Variants in TRAPPC9 observed in about 807,000 individuals in gnomAD.
The protein encoded by TRAPPC9 is trafficking protein particle complex subunit 9.
Under a neutral mutation model 124.0 loss-of-function variants are expected in TRAPPC9, and 83 were observed. The observed-to-expected ratio is 0.67, with a 90% CI of 0.56 to 0.80. The LOEUF (loss-of-function observed/expected upper bound fraction) is 0.80. TRAPPC9 is among the 30% of genes least tolerant of loss of function. The pLI, the probability that TRAPPC9 is intolerant of heterozygous loss-of-function variation, is 0.00. For synonymous variants in TRAPPC9, 638 were observed against 617.5 expected, an observed-to-expected ratio of 1.03 and a Z score of -0.49; for missense variants, 1,302 against 1,508.3, an observed-to-expected ratio of 0.86 and a Z score of 2.27.
intron 17 of TRAPPC9, among the ~76,000 whole-genome samples, chr8:140,083,276 C>T (rs945730448): frequency 6.6e-6 from 1 of 152,098 alleles, no homozygotes; most frequent in Non-Finnish European, 1.5e-5. Flanking sequence ...AACCTTTCCA[C>T]GGAGATATCA....
At chr8:139,951,940 A>C (rs570255133) in intron 19 of TRAPPC9, among the ~76,000 whole-genome samples, 1 of 152,318 alleles carries the variant, frequency 6.6e-6, no homozygotes, top group East Asian at 1.9e-4. Context: ...CTGGCCACCT[A>C]AATTGCCACA....
At chr8:140,099,070 CG>C (rs1442134320) in intron 17 of TRAPPC9, 2 of 151,954 alleles carry the variant, frequency 1.3e-5, no homozygotes, top group African/African-American at 4.8e-5. Flanking sequence ...AGGGTAAACA[CG>C]CCCACCGGGG....
At chr8:139,808,571 TC>T (rs1246422744) in intron 21 of TRAPPC9, among the ~76,000 whole-genome samples, 14 of 152,136 alleles carry the variant, frequency 9.2e-5, no homozygotes, top group African/African-American at 3.4e-4. Context: ...GCCAGAATAT[TC>T]CCATGTACCC....
In TRAPPC9 at chr8:140,105,033, G is replaced by A. The variant is rs531604470; in HGVS notation, c.2557-80954C>T. 5.9e-5 allele frequency among the ~76,000 whole-genome samples: 9 copies of A among 152,236 alleles called. No individual in the cohort carries two copies. In the South Asian group the frequency reaches 8.3e-4, roughly 14 times the overall value. ...AAACGTACTCAGCCACCACTTGGCC[G>A]GCTCCAGCCACCTGCCCCCAGGACT... On this transcript the variant is annotated intron_variant, in intron 17 of 22. Coordinates refer to ENST00000438773, the MANE Select transcript of TRAPPC9 (RefSeq NM_001160372.4).
chr8:140,155,478 G>C (rs917047794), intron 17 of TRAPPC9, among the ~76,000 whole-genome samples: 1 of 152,214 alleles, frequency 6.6e-6, no homozygotes, highest in South Asian at 2.1e-4. Context: ...TTGAACACCT[G>C]TTACATGAAA....
At chr8:139,963,708 G>A (rs1443329889) in intron 19 of TRAPPC9, among the ~76,000 whole-genome samples, 21 of 136,920 alleles carry the variant, frequency 1.5e-4, no homozygotes, top group East Asian at 4.4e-4. Context: ...CCTAAAGGGC[G>A]TCGGAACCAG....
At chr8:140,101,008 A>G (rs912735692) in intron 17 of TRAPPC9, among the ~76,000 whole-genome samples, 2 of 152,274 alleles carry the variant, frequency 1.3e-5, no homozygotes, top group Non-Finnish European at 2.9e-5. Context: ...AAAAGTTGAA[A>G]TTAAGAAATT....
intron 17 of TRAPPC9, among the ~76,000 whole-genome samples, chr8:140,138,858 C>T (rs1179861981): frequency 6.6e-6 from 1 of 152,088 alleles, no homozygotes; most frequent in African/African-American, 2.4e-5. Flanking sequence ...GCAGCATGGT[C>T]AACCCTGATC....
intron 19 of TRAPPC9, among the ~76,000 whole-genome samples, chr8:139,918,361 G>C (rs1184236767): frequency 1.3e-5 from 2 of 152,230 alleles, no homozygotes; most frequent in Non-Finnish European, 2.9e-5. Flanking sequence ...GAGGGAACCT[G>C]CGAAGAGCCC....
At chr8:139,971,046 A>C (rs1017296805) in intron 19 of TRAPPC9, among the ~76,000 whole-genome samples, 1 of 150,540 alleles carries the variant, frequency 6.6e-6, no homozygotes, top group Non-Finnish European at 1.5e-5. Flanking sequence ...CTACCCACAC[A>C]TCCCGGAATC....
At chr8:140,400,260 T>C (rs2069221862) in intron 6 of TRAPPC9, among the ~76,000 whole-genome samples, 1 of 152,212 alleles carries the variant, frequency 6.6e-6, no homozygotes, top group Admixed American at 6.5e-5. Context: ...CTATCCTTTA[T>C]GGAAGCAAAA....
chr8:140,456,411 CAAAA>C (rs11325292), intron 1 of TRAPPC9, among the ~76,000 whole-genome samples: 8 of 118,224 alleles, frequency 6.8e-5, no homozygotes, highest in Admixed American at 8.9e-5. Flanking sequence ...GACTCCGTCT[CAAAA>C]AAAAAAAAAA....
At chr8:139,768,287 T>G (rs1820715566) in intron 21 of TRAPPC9, among the ~76,000 whole-genome samples, 2 of 152,256 alleles carry the variant, frequency 1.3e-5, no homozygotes, top group South Asian at 4.1e-4. Flanking sequence ...ATTGAGGATC[T>G]GGTGCCTCCC....
intron 21 of TRAPPC9, among the ~76,000 whole-genome samples, chr8:139,779,691 TAA>T (rs1821653757): frequency 1.3e-5 from 2 of 151,962 alleles, no homozygotes; most frequent in African/African-American, 4.8e-5. Context: ...ACTAAGATAA[TAA>T]AAGAGTTATA....
At chr8:140,004,539 T>C (rs906503612) in intron 18 of TRAPPC9, among the ~76,000 whole-genome samples, 2 of 152,126 alleles carry the variant, frequency 1.3e-5, no homozygotes, top group Non-Finnish European at 2.9e-5. Flanking sequence ...ACAACGCCTA[T>C]GCTATGGAAT....
intron 17 of TRAPPC9, among the ~76,000 whole-genome samples, chr8:140,129,940 T>C (rs1206190901): frequency 6.6e-6 from 1 of 152,162 alleles, no homozygotes; most frequent in Non-Finnish European, 1.5e-5. Context: ...ACATGCACAC[T>C]TCAGGCCCCA....
intron 8 of TRAPPC9, among the ~76,000 whole-genome samples, chr8:140,361,286 G>C (rs1449729659): frequency 1.3e-5 from 2 of 152,236 alleles, no homozygotes; most frequent in Non-Finnish European, 2.9e-5. Flanking sequence ...CTTGTGGGAA[G>C]AGTCAGGCCT....
At chr8:139,847,614 C>T (rs1349334367) in intron 21 of TRAPPC9, among the ~76,000 whole-genome samples, 1 of 149,750 alleles carries the variant, frequency 6.7e-6, no homozygotes, top group Non-Finnish European at 1.5e-5. Context: ...CCAGGCGACC[C>T]AGCCTGCGGA....
chr8:140,393,006 A>T (rs2068972307), intron 7 of TRAPPC9, among the ~76,000 whole-genome samples: 1 of 145,038 alleles, frequency 6.9e-6, no homozygotes, highest in African/African-American at 2.5e-5. Context: ...CTCTAGAAAG[A>T]AGTGAATATT....
Sources: gnomAD v4.1 joint callset for allele counts (sites outside exome capture counted in the v4.1 genomes callset) on GRCh38, gnomAD v4.1.1 for gene constraint, MANE v1.5 for transcripts, NCBI Gene and HGNC (gene_info 2026-07-23, HGNC 2026-07-21) for gene names.